FARS2: variants seen among roughly 807,000 people sequenced by gnomAD.
The protein encoded by FARS2 is phenylalanyl-tRNA synthetase 2, mitochondrial.
Under a neutral mutation model 46.4 loss-of-function variants are expected in FARS2, and 40 were observed. The ratio of observed to expected loss-of-function variants is 0.86; its 90% confidence interval spans 0.67 to 1.12. FARS2 has a LOEUF of 1.12. FARS2 is among the 50% of genes most tolerant of loss of function. The pLI is 0.00. For missense variants in FARS2, 513 were observed against 567.9 expected (o/e 0.90, Z 0.98); for synonymous variants, 234 against 214.9 (o/e 1.09, Z -0.78).
At chr6:5,587,277 C>T (rs1224141045) in intron 5 of FARS2, among the ~76,000 whole-genome samples, 1 of 152,100 alleles carries the variant, frequency 6.6e-6, no homozygotes, top group Non-Finnish European at 1.5e-5. Flanking sequence ...TTTTTATTAT[C>T]TTGCTATGTT....
intron 1 of FARS2, among the ~76,000 whole-genome samples, chr6:5,290,836 C>A (rs1407496815): frequency 6.6e-6 from 1 of 152,252 alleles, no homozygotes; most frequent in Non-Finnish European, 1.5e-5. Context: ...CCTCCCACCT[C>A]AGCTTCTCCA....
chr6:5,716,104 T>C (rs1759476800), intron 6 of FARS2, among the ~76,000 whole-genome samples: 1 of 152,258 alleles, frequency 6.6e-6, no homozygotes, highest in Non-Finnish European at 1.5e-5. Flanking sequence ...TTCCAGCTAT[T>C]CTTTTGAAGC....
chr6:5,533,213 A>C (rs1390956336), intron 4 of FARS2, among the ~76,000 whole-genome samples: 4 of 152,154 alleles, frequency 2.6e-5, no homozygotes, highest in African/African-American at 9.7e-5. Flanking sequence ...CAATGAATAG[A>C]ATATTCACTT....
chr6:5,396,309 G>C lies in FARS2; in HGVS notation c.613-8233G>C, dbSNP rs369711307. Among the ~76,000 whole-genome samples, 3 of 152,118 alleles carry C rather than the reference G, an allele frequency of 2.0e-5. No homozygotes were observed. The East Asian group carries it at 5.8e-4, about 29-fold the overall frequency. ...GTTGCTCAAATATTGTTAGAGTTGT[G>C]TTTAATTTCACCGTTATATATTGTC... On this transcript the variant is annotated intron_variant, in intron 2 of 6. Transcript: ENST00000274680.
upstream of FARS2, among the ~76,000 whole-genome samples, chr6:5,256,137 TAGGGA>T (rs1764653802): frequency 6.6e-6 from 1 of 151,904 alleles, no homozygotes; most frequent in African/African-American, 2.4e-5. Flanking sequence ...GATGCTATTC[TAGGGA>T]ACATCAGAAT....
chr6:5,660,287 G>GAATA (rs1777790571), intron 6 of FARS2, among the ~76,000 whole-genome samples: 1 of 152,142 alleles, frequency 6.6e-6, no homozygotes, highest in Non-Finnish European at 1.5e-5. Flanking sequence ...AACTTTCATG[G>GAATA]AATAATCACA....
chr6:5,320,822 C>T (rs1351442929), intron 1 of FARS2, among the ~76,000 whole-genome samples: 1 of 152,128 alleles, frequency 6.6e-6, no homozygotes, highest in Non-Finnish European at 1.5e-5. Flanking sequence ...CACCAAAGCA[C>T]CAGGAGATTA....
At chr6:5,571,563 G>A (rs1254427041) in intron 5 of FARS2, among the ~76,000 whole-genome samples, 2 of 151,996 alleles carry the variant, frequency 1.3e-5, no homozygotes, top group Non-Finnish European at 2.9e-5. Flanking sequence ...TCTGCTTCAC[G>A]CTATCATCTG....
intron 4 of FARS2, among the ~76,000 whole-genome samples, chr6:5,512,058 G>T (rs1051736828): frequency 6.6e-6 from 1 of 152,146 alleles, no homozygotes; most frequent in African/African-American, 2.4e-5. Context: ...TTTATTTATG[G>T]CATTTTTTGG....
chr6:5,260,602 C>CCGGGCCCG, upstream of FARS2: 1 of 1,203,600 alleles, frequency 8.3e-7, no homozygotes, highest in Non-Finnish European at 1.2e-6. Flanking sequence ...CCCCGGTCCC[C>CCGGGCCCG]GGCCCCTGGC....
chr6:5,613,067 A>G, intron 5 of FARS2, 102 bp from the exon 6 acceptor site: 1 of 895,052 alleles, frequency 1.1e-6, no homozygotes, highest in Non-Finnish European at 1.8e-6. Context: ...ATGATGTTTT[A>G]CTAGCATTTC....
At chr6:5,634,396 G>C (rs1032369543) in intron 6 of FARS2, among the ~76,000 whole-genome samples, 1 of 152,140 alleles carries the variant, frequency 6.6e-6, no homozygotes, top group East Asian at 1.9e-4. Context: ...TTGACCTTCC[G>C]GGCTCAAGCA....
chr6:5,409,178 C>T (rs374648201), intron 3 of FARS2, among the ~76,000 whole-genome samples: 5 of 152,074 alleles, frequency 3.3e-5, no homozygotes, highest in East Asian at 3.9e-4. Flanking sequence ...GGGCCAGGCG[C>T]GGTGGCTCAC....
chr6:5,380,255 C>A (rs1759668532), intron 2 of FARS2, among the ~76,000 whole-genome samples: 1 of 152,172 alleles, frequency 6.6e-6, no homozygotes, highest in Admixed American at 6.5e-5. Flanking sequence ...CTTTACATCT[C>A]ATTTCTCTAA....
chr6:5,444,031 G>A (rs1164660492), intron 4 of FARS2, among the ~76,000 whole-genome samples: 11 of 151,846 alleles, frequency 7.2e-5, no homozygotes, highest in Admixed American at 7.2e-4. Flanking sequence ...ACAGGGATTG[G>A]TGGTGGGAAT....
rs186248820 is a variant in FARS2, at chr6:5,300,997, G to A, written c.-22+39337G>A. Among the ~76,000 whole-genome samples the A allele has an allele frequency of 4.5e-3, 684 of 151,954 alleles. 3 individuals carry two copies. Among genetic ancestry groups the A allele is most frequent in the African/African-American group, 0.016 (653 of 41,410 alleles). The stretch of plus-strand genomic sequence containing the variant: ...TTCCCAAAGTGTTGGGATTACAGGC[G>A]TGAGTCACCATGCCCAGCCACATCT... On this transcript the variant is annotated intron_variant, in intron 1 of 6. Transcript: ENST00000274680.
chr6:5,336,139 G>A (rs1393172205), intron 1 of FARS2, among the ~76,000 whole-genome samples: 2 of 151,814 alleles, frequency 1.3e-5, no homozygotes, highest in African/African-American at 4.8e-5. Context: ...TTCTCAGCTG[G>A]ATTTTTTCCT....
intron 6 of FARS2, among the ~76,000 whole-genome samples, chr6:5,627,521 A>G (rs543850640): frequency 2.0e-5 from 3 of 152,362 alleles, no homozygotes; most frequent in African/African-American, 7.2e-5. Context: ...CTGTCCGGCA[A>G]TGCACATGGC....
At chr6:5,621,580 A>G (rs567635233) in intron 6 of FARS2, among the ~76,000 whole-genome samples, 161 of 152,322 alleles carry the variant, frequency 1.1e-3, no homozygotes, top group African/African-American at 3.6e-3. Context: ...TTCAGAGGAA[A>G]GAGGCCTTCA....
Sources: gnomAD v4.1 joint callset for allele counts (sites outside exome capture counted in the v4.1 genomes callset) on GRCh38, gnomAD v4.1.1 for gene constraint, MANE v1.5 for transcripts, NCBI Gene and HGNC (gene_info 2026-07-23, HGNC 2026-07-21) for gene names.